NCKAP5: variants seen among roughly 807,000 people sequenced by gnomAD.
The protein encoded by NCKAP5 is nck-associated protein 5.
A neutral mutation model predicts 167.0 loss-of-function variants in NCKAP5; 92 were observed. The ratio of observed to expected loss-of-function variants is 0.55; its 90% CI spans 0.47 to 0.66. NCKAP5 has a LOEUF of 0.66. Ranked by LOEUF, NCKAP5 falls within the 30% of genes least tolerant of loss-of-function variation. NCKAP5 has a pLI of 0.00. For missense variants in NCKAP5, 2,378 were observed against 2,315.0 expected, an observed-to-expected ratio of 1.03 and a Z score of -0.56; for synonymous variants, 891 against 877.4, an observed-to-expected ratio of 1.02 and a Z score of -0.27.
chr2:133,001,919 T>C (rs1022343442), intron 6 of NCKAP5, among the ~76,000 whole-genome samples: 6 of 152,178 alleles, frequency 3.9e-5, no homozygotes, highest in African/African-American at 7.2e-5. Flanking sequence ...GAGTACTACA[T>C]TGAATCCACA....
chr2:133,460,575 C>T (rs946917498), intron 3 of NCKAP5, among the ~76,000 whole-genome samples: 33 of 152,182 alleles, frequency 2.2e-4, no homozygotes, highest in South Asian at 6.2e-4. Flanking sequence ...ACTAGAATAA[C>T]GCTTAGGAGC....
At chr2:133,462,948 T>C (rs1692294810) in intron 3 of NCKAP5, among the ~76,000 whole-genome samples, 1 of 152,240 alleles carries the variant, frequency 6.6e-6, no homozygotes, top group Non-Finnish European at 1.5e-5. Flanking sequence ...AACAGTTCTC[T>C]GCCACTGCTG....
chr2:133,011,201 T>C lies in NCKAP5; in HGVS notation c.342-16962A>G, dbSNP rs188038484. 9.5e-4 allele frequency among the ~76,000 whole-genome samples: 144 copies of C among 152,274 alleles called. 1 individual carries two copies. The highest frequency in any genetic ancestry group is 1.8e-3 in the Non-Finnish European group (120 of 68,024). ...GGATTTTTAGATCCAGGATTGTAAGTTTTTCCCCCCATCTCACTACACAAA... is the reference window on the plus strand; with the variant it reads ...GGATTTTTAGATCCAGGATTGTAAGCTTTTCCCCCCATCTCACTACACAAA... On this transcript the variant is annotated intron_variant, in intron 6 of 19. Transcript: ENST00000409261.
chr2:133,581,183 G>A, the NCKAP5 span, among the ~76,000 whole-genome samples: 5 of 152,010 alleles, frequency 3.3e-5, no homozygotes, highest in Non-Finnish European at 5.9e-5. Flanking sequence ...TACAATATGA[G>A]TTTAAAAAAA....
At chr2:132,851,315 G>A (rs1454315307) in intron 11 of NCKAP5, among the ~76,000 whole-genome samples, 2 of 152,206 alleles carry the variant, frequency 1.3e-5, no homozygotes, top group African/African-American at 4.8e-5. Context: ...GAAGTGGGGT[G>A]TGTCTTTTTG....
intron 3 of NCKAP5, among the ~76,000 whole-genome samples, chr2:133,453,642 C>G (rs1191156100): frequency 1.3e-5 from 2 of 151,788 alleles, no homozygotes; most frequent in African/African-American, 4.8e-5. Context: ...TTGTGTAATT[C>G]CATTGGAAAA....
chr2:133,137,918 T>C (rs2082853966), intron 5 of NCKAP5, among the ~76,000 whole-genome samples: 1 of 152,230 alleles, frequency 6.6e-6, no homozygotes, highest in Non-Finnish European at 1.5e-5. Flanking sequence ...ACGCAAGTCC[T>C]GCCCCTGTAC....
chr2:133,371,663 C>T (rs1284746218), intron 3 of NCKAP5, among the ~76,000 whole-genome samples: 1 of 152,146 alleles, frequency 6.6e-6, no homozygotes, highest in Non-Finnish European at 1.5e-5. Flanking sequence ...TTTGTACATC[C>T]TCTGTTTTGT....
intron 5 of NCKAP5, among the ~76,000 whole-genome samples, chr2:133,182,668 G>A (rs920582918): frequency 4.7e-4 from 71 of 152,226 alleles, no homozygotes; most frequent in African/African-American, 1.6e-3. Flanking sequence ...TACATTGGAA[G>A]AGAAGTCTCA....
At chr2:133,649,177 G>A in the NCKAP5 span, among the ~76,000 whole-genome samples, 1 of 149,682 alleles carries the variant, frequency 6.7e-6, no homozygotes, top group Non-Finnish European at 1.5e-5. Flanking sequence ...AACCTATCAA[G>A]ACGAAATTAT....
At chr2:133,447,904 G>T (rs1432315363) in intron 3 of NCKAP5, among the ~76,000 whole-genome samples, 7 of 152,142 alleles carry the variant, frequency 4.6e-5, no homozygotes, top group Admixed American at 1.3e-4. Context: ...CTGAGACAGG[G>T]TGCCACATGT....
At chr2:133,292,780 G>A (rs978242690) in intron 4 of NCKAP5, among the ~76,000 whole-genome samples, 1 of 152,136 alleles carries the variant, frequency 6.6e-6, no homozygotes, top group Non-Finnish European at 1.5e-5. Flanking sequence ...TCTTGCGGTG[G>A]CAGTAAATCT....
chr2:133,045,565 TA>T (rs10713012), intron 6 of NCKAP5, among the ~76,000 whole-genome samples: 5,855 of 152,178 alleles, frequency 0.038, 357 homozygotes, highest in African/African-American at 0.13. Context: ...CTTTTATTTA[TA>T]GGGGATGCAT....
At chr2:132,837,248 A>G (rs1687956095) in intron 11 of NCKAP5, among the ~76,000 whole-genome samples, 1 of 152,146 alleles carries the variant, frequency 6.6e-6, no homozygotes, top group African/African-American at 2.4e-5. Context: ...ATGTGTCCTC[A>G]GGGGCTCACA....
At chr2:132,674,702 TG>T (rs1239887500) in intron 19 of NCKAP5, among the ~76,000 whole-genome samples, 1 of 152,120 alleles carries the variant, frequency 6.6e-6, no homozygotes, top group Non-Finnish European at 1.5e-5. Flanking sequence ...AAGAGAGAGA[TG>T]GAAGTGGATG....
chr2:132,853,848 C>A (rs1689261719), intron 11 of NCKAP5, among the ~76,000 whole-genome samples: 1 of 152,168 alleles, frequency 6.6e-6, no homozygotes, highest in African/African-American at 2.4e-5. Context: ...GAGATAATTT[C>A]CCCTAATTAT....
chr2:133,599,063 C>A, the NCKAP5 span, among the ~76,000 whole-genome samples: 2 of 152,234 alleles, frequency 1.3e-5, no homozygotes, highest in Non-Finnish European at 1.5e-5. Flanking sequence ...TGGAATAGAA[C>A]TCTTTATAAG....
the NCKAP5 span, among the ~76,000 whole-genome samples, chr2:133,574,062 A>G: frequency 6.6e-6 from 1 of 152,190 alleles, no homozygotes. Context: ...CTCTGAGTCC[A>G]ATTTTCACCT....
intron 6 of NCKAP5, among the ~76,000 whole-genome samples, chr2:133,057,540 C>T (rs1559095562): frequency 6.6e-6 from 1 of 152,226 alleles, no homozygotes; most frequent in Non-Finnish European, 1.5e-5. Context: ...GAGGACAAAG[C>T]AGCTACAATA....
Sources: gnomAD v4.1 joint callset for allele counts (sites outside exome capture counted in the v4.1 genomes callset) on GRCh38, gnomAD v4.1.1 for gene constraint, MANE v1.5 for transcripts, NCBI Gene and HGNC (gene_info 2026-07-23, HGNC 2026-07-21) for gene names.